ANK2: variants seen among roughly 807,000 people sequenced by gnomAD.
ANK2 encodes the protein ankyrin-2.
Under a neutral mutation model 360.5 loss-of-function variants are expected in ANK2, and 83 were observed. The observed-to-expected ratio is 0.23, with a 90% confidence interval of 0.19 to 0.28. ANK2 has a LOEUF of 0.28. Ranked by LOEUF, ANK2 falls within the 10% of genes least tolerant of loss-of-function variation. The pLI is 1.00. For synonymous variants in ANK2, 1,740 were observed against 1,759.5 expected, an observed-to-expected ratio of 0.99 and a Z score of 0.28; for missense variants, 4,201 against 4,795.7, an observed-to-expected ratio of 0.88 and a Z score of 3.66.
chr4:113,021,571 T>TATATATAG (rs2058189678), intron 2 of ANK2, among the ~76,000 whole-genome samples: 1 of 132,898 alleles, frequency 7.5e-6, no homozygotes, highest in Non-Finnish European at 1.6e-5. Context: ...TATATATATA[T>TATATATAG]ATATATATGC....
chr4:113,098,494 A>G (rs1323114196), intron 1 of ANK2, among the ~76,000 whole-genome samples: 2 of 152,044 alleles, frequency 1.3e-5, no homozygotes, highest in Admixed American at 6.5e-5. Context: ...ATACAAAAAG[A>G]AATAGGTGAT....
In ANK2 at chr4:113,356,872, A is replaced by C. The variant is rs558793790; in HGVS notation, c.8254A>C (p.Thr2752Pro). 3 of 1,614,042 alleles carry C rather than the reference A, an allele frequency of 1.9e-6. No homozygotes were observed. The highest frequency in any genetic ancestry group is 2.5e-6 in the Non-Finnish European group (3 of 1,179,976). The change falls in exon 38 of 46, where the codon ACT (threonine) becomes CCT (proline). Residue 2752 changes from threonine (T) to proline (P), a missense_variant. Transcript: ENST00000357077. ...AGCTGAAGACCGTCATGCTGTTTCCACTGAGGCTGAAGACAGGTCTTATGA... is the reference window on the plus strand; with the variant it reads ...AGCTGAAGACCGTCATGCTGTTTCCCCTGAGGCTGAAGACAGGTCTTATGA... ...HLAEDRHAVS[T>P]EAEDRSYDKL... is the part of the protein sequence containing the mutation.
chr4:112,814,995 C>G (rs943331595), upstream of ANK2, among the ~76,000 whole-genome samples: 1 of 142,568 alleles, frequency 7.0e-6, no homozygotes, highest in Non-Finnish European at 1.5e-5. Flanking sequence ...TTCCAAGAAA[C>G]TAAATACAAA....
At chr4:113,212,942 C>A (rs2099041658) in intron 4 of ANK2, among the ~76,000 whole-genome samples, 3 of 152,204 alleles carry the variant, frequency 2.0e-5, no homozygotes, top group Admixed American at 2.0e-4. Context: ...CCTTAGAACA[C>A]TGTCAATTTG....
chr4:112,907,450 G>A (rs1050915100), intron 2 of ANK2, among the ~76,000 whole-genome samples: 7 of 152,234 alleles, frequency 4.6e-5, no homozygotes, highest in South Asian at 4.1e-4. Flanking sequence ...TCTGATTACA[G>A]TGGGCATGCA....
chr4:113,184,636 C>T (rs1349328866), intron 2 of ANK2, among the ~76,000 whole-genome samples: 1 of 152,142 alleles, frequency 6.6e-6, no homozygotes, highest in African/African-American at 2.4e-5. Flanking sequence ...AATCTTCCAG[C>T]CCTTTTGCAG....
chr4:113,031,160 A>G (rs1317388076), intron 2 of ANK2: 1 of 152,066 alleles, frequency 6.6e-6, no homozygotes, highest in East Asian at 1.9e-4. Context: ...GTTTGCCAAA[A>G]ACTCTTTAAA....
chr4:113,266,641 G>A (rs2056188437), intron 14 of ANK2, among the ~76,000 whole-genome samples: 1 of 152,198 alleles, frequency 6.6e-6, no homozygotes, highest in Non-Finnish European at 1.5e-5. Context: ...ACTTTGGAAG[G>A]CTGAGGTGAG....
At chr4:112,956,041 C>T (rs2095315192) in intron 2 of ANK2, among the ~76,000 whole-genome samples, 1 of 152,198 alleles carries the variant, frequency 6.6e-6, no homozygotes. Context: ...CAGTAGTCCC[C>T]TCTGATTCTT....
chr4:113,169,857 A>G (rs1359965124), intron 1 of ANK2, among the ~76,000 whole-genome samples: 1 of 152,172 alleles, frequency 6.6e-6, no homozygotes, highest in Non-Finnish European at 1.5e-5. Context: ...GTTTTATAAT[A>G]TTATTCAAAT....
intron 1 of ANK2, among the ~76,000 whole-genome samples, chr4:113,150,548 G>A (rs1361737536): frequency 6.6e-6 from 1 of 152,228 alleles, no homozygotes; most frequent in African/African-American, 2.4e-5. Context: ...CTACCAAGAT[G>A]AGTAGGACAT....
chr4:113,219,771 A>G (rs2099129086), intron 4 of ANK2, among the ~76,000 whole-genome samples: 1 of 152,128 alleles, frequency 6.6e-6, no homozygotes, highest in Non-Finnish European at 1.5e-5. Context: ...TATTTCTGTG[A>G]CGTGTTTTAT....
At chr4:113,240,790 T>G (rs1249631644) in intron 8 of ANK2, among the ~76,000 whole-genome samples, 1 of 152,180 alleles carries the variant, frequency 6.6e-6, no homozygotes, top group Non-Finnish European at 1.5e-5. Context: ...TGTAAACTCA[T>G]GCAAAAATTA....
intron 1 of ANK2, among the ~76,000 whole-genome samples, chr4:112,903,327 G>A (rs542773810): frequency 2.0e-5 from 3 of 152,276 alleles, no homozygotes; most frequent in Non-Finnish European, 2.9e-5. Flanking sequence ...AGAGTTTGTA[G>A]AAAGTGTAGT....
At chr4:113,119,226 G>A (rs2095149277) in intron 1 of ANK2, among the ~76,000 whole-genome samples, 2 of 152,070 alleles carry the variant, frequency 1.3e-5, no homozygotes, top group African/African-American at 4.8e-5. Context: ...TAAAGGCATA[G>A]CTAGTATTTG....
intron 24 of ANK2, among the ~76,000 whole-genome samples, chr4:113,313,945 C>A (rs903313505): frequency 2.6e-5 from 4 of 151,992 alleles, no homozygotes; most frequent in Non-Finnish European, 5.9e-5. Flanking sequence ...GTGACATGAC[C>A]CAGGTATTGC....
At chr4:113,193,806 T>C (rs1429580891) in intron 2 of ANK2, among the ~76,000 whole-genome samples, 1 of 152,198 alleles carries the variant, frequency 6.6e-6, no homozygotes, top group Non-Finnish European at 1.5e-5. Context: ...TATCTCTTTC[T>C]TCTAACCTCT....
At chr4:113,029,341 TCTC>T (rs1315410831) in intron 2 of ANK2, among the ~76,000 whole-genome samples, 1 of 151,960 alleles carries the variant, frequency 6.6e-6, no homozygotes, top group East Asian at 1.9e-4. Flanking sequence ...CTCAAGCAAT[TCTC>T]CTGCCTCAAC....
the ANK2 span, among the ~76,000 whole-genome samples, chr4:112,805,733 C>T: frequency 5.9e-5 from 9 of 152,106 alleles, no homozygotes; most frequent in Admixed American, 3.3e-4. Flanking sequence ...AGGCGCATGC[C>T]ACCACGCCTG....
Sources: gnomAD v4.1 joint callset for allele counts (sites outside exome capture counted in the v4.1 genomes callset) on GRCh38, gnomAD v4.1.1 for gene constraint, MANE v1.5 for transcripts, NCBI Gene and HGNC (gene_info 2026-07-23, HGNC 2026-07-21) for gene names.